Variants in PPP1R13B observed in about 807,000 individuals in gnomAD.
PPP1R13B encodes protein phosphatase 1 regulatory subunit 13B.
In PPP1R13B, 44 loss-of-function variants were observed where a neutral mutation model predicts 119.8. The ratio of observed to expected loss-of-function variants is 0.37; its 90% CI spans 0.29 to 0.47. PPP1R13B has a LOEUF of 0.47. Among genes scored for constraint, PPP1R13B ranks in the 20% least tolerant of loss-of-function variants. The probability of loss-of-function intolerance (pLI) is 0.99; values close to 1 mark genes in which losing one functional copy is unlikely to be tolerated. For missense variants in PPP1R13B, 1,227 were observed against 1,413.5 expected (o/e 0.87, Z 2.12); for synonymous variants, 542 against 561.5 (o/e 0.97, Z 0.49).
rs995421445 is a variant in PPP1R13B at position 103,778,905 on chromosome 14, T to C, written c.278-84A>G. 28 of 1,065,228 alleles carry C rather than the reference T, an allele frequency of 2.6e-5. 1 individual carries two copies. The highest frequency in any genetic ancestry group is 3.9e-5 in the Non-Finnish European group (27 of 696,360). The allele number at this position is 1,065,228 out of a possible 1,614,324, so 66.0% of individuals were successfully genotyped here. On this transcript the variant is annotated intron_variant, in intron 3 of 16. Transcript: ENST00000202556. ...CCCATTTCTTCATGTATTCAAATAT[T>C]TATTGAACACAAGTGTAAAATACCA...
chr14:103,756,555 C>T (rs12886637), intron 5 of PPP1R13B, among the ~76,000 whole-genome samples: 44,166 of 151,896 alleles, frequency 0.29, 6,906 homozygotes, highest in Non-Finnish European at 0.34. Context: ...ATCTATACTC[C>T]GCACTGTAAT....
At chr14:103,817,683 A>G (rs1228582501) in intron 1 of PPP1R13B, among the ~76,000 whole-genome samples, 2 of 151,998 alleles carry the variant, frequency 1.3e-5, no homozygotes, top group Non-Finnish European at 2.9e-5. Flanking sequence ...ATAGCTAATT[A>G]TTTTTGCTTG....
At chr14:103,807,845 G>A (rs2086054827) in intron 1 of PPP1R13B, among the ~76,000 whole-genome samples, 1 of 152,004 alleles carries the variant, frequency 6.6e-6, no homozygotes, top group Non-Finnish European at 1.5e-5. Context: ...GTAGGTGTTT[G>A]CCTGTTTTCT....
chr14:103,847,534 G>T lies in PPP1R13B; in HGVS notation c.-227C>A. 1.0e-6 allele frequency: 1 copy of T among 985,770 alleles called. No individual in the cohort carries two copies. The highest frequency in any genetic ancestry group is 1.2e-6 in the Non-Finnish European group (1 of 831,076). The allele number at this position is 985,770 out of a possible 1,614,324, so 61.1% of individuals were successfully genotyped here. A position where few individuals can be genotyped will look rare whatever the true frequency, so the allele number is the denominator to read the frequency against. The stretch of plus-strand genomic sequence containing the variant: ...CGGGCACCCGGCCGCCGCCGCCGCC[G>T]CCTCAACCTCAGCCTCAGCCTCAGC... On this transcript the variant is annotated 5_prime_UTR_variant, in exon 1 of 17. Transcript: ENST00000202556.
intron 1 of PPP1R13B, among the ~76,000 whole-genome samples, chr14:103,814,975 T>C (rs932350095): frequency 6.6e-6 from 1 of 151,570 alleles, no homozygotes; most frequent in Non-Finnish European, 1.5e-5. Context: ...AGAAAAAAAA[T>C]AGATGTTTAT....
At chr14:103,737,574 T>G in intron 15 of PPP1R13B, 120 bp downstream of exon 15, 2 of 1,273,034 alleles carry the variant, frequency 1.6e-6, no homozygotes, top group Non-Finnish European at 2.1e-6. Flanking sequence ...AGACCTTGTC[T>G]CCTGTCTTAA....
At chr14:103,840,465 G>C (rs2086877087) in intron 1 of PPP1R13B, among the ~76,000 whole-genome samples, 3 of 152,168 alleles carry the variant, frequency 2.0e-5, no homozygotes, top group African/African-American at 7.2e-5. Context: ...ATTTAAAACT[G>C]AGTTGTCCCT....
In PPP1R13B at chr14:103,782,692, T is replaced by C. The variant is rs1021848905; in HGVS notation, c.277+2103A>G. ...GTTAAAATATAGTATTTCAAGATAG[T>C]TTTCTCTGCATGTCTTTTATTAGGA... On this transcript the variant is annotated intron_variant, in intron 3 of 16. Coordinates refer to ENST00000202556, the MANE Select transcript of PPP1R13B (RefSeq NM_015316.3). 2.6e-5 allele frequency among the ~76,000 whole-genome samples: 4 copies of C among 152,192 alleles called. No homozygotes were observed. The East Asian group carries it at 7.7e-4, about 29-fold the overall frequency.
At position 103,740,518 on chromosome 14, in the gene PPP1R13B, G is replaced by T. The variant is rs764234340; in HGVS notation, c.1898C>A (p.Thr633Lys). ...PLPFLHGSLS[T>K]GTPQPQPPSE... ...AGGTGGCTGAGGCTGTGGTGTGCCC[G>T]TGGACAGTGACCCGTGAAGAAACGG... Residue 633 changes from threonine to lysine, a missense_variant, in exon 12 of 17, where the codon ACG becomes AAG. Transcript: ENST00000202556. This position sits in a 1 kb window ranked among gnomAD's most constrained non-coding sequence, Gnocchi z 4.6. 3 of 1,595,764 alleles carry T rather than the reference G, an allele frequency of 1.9e-6. No individual in the cohort carries two copies. Among genetic ancestry groups the T allele is most frequent in the Non-Finnish European group, 2.6e-6 (3 of 1,168,998 alleles).
intron 3 of PPP1R13B, among the ~76,000 whole-genome samples, chr14:103,784,431 A>G (rs1383313309): frequency 6.6e-6 from 1 of 151,224 alleles, no homozygotes; most frequent in Non-Finnish European, 1.5e-5. Context: ...AAAAATACAA[A>G]AATTAGCCAG....
intron 5 of PPP1R13B, 88 bp downstream of exon 5, chr14:103,757,562 A>T (rs561151799): frequency 1.7e-6 from 2 of 1,211,988 alleles, no homozygotes; most frequent in East Asian, 2.4e-5. Context: ...TATAAGCGTT[A>T]CCCAAGAATA....
rs2087073021 is a variant in PPP1R13B at position 103,847,311 on chromosome 14, G to A, written c.-4C>T. The A allele has an allele frequency of 2.5e-6, 3 of 1,213,636 alleles. No homozygotes were observed. The highest frequency in any genetic ancestry group is 3.3e-5 in the African/African-American group (2 of 61,174). The allele number at this position is 1,213,636 out of a possible 1,614,324, so 75.2% of individuals were successfully genotyped here. On this transcript the variant is annotated 5_prime_UTR_variant, in exon 1 of 17. Transcript: ENST00000202556. ...CGCCCTCACCCACCGGCATCATCGC[G>A]GGGAGAGTCCGCGACGCCCTCGGCC...
At chr14:103,796,297 A>C (rs1430995724) in intron 2 of PPP1R13B, among the ~76,000 whole-genome samples, 1 of 152,152 alleles carries the variant, frequency 6.6e-6, no homozygotes, top group Non-Finnish European at 1.5e-5. Flanking sequence ...ATAAATAAAT[A>C]AATAAATAGG....
At chr14:103,773,374 C>A (rs1159248338) in intron 4 of PPP1R13B, among the ~76,000 whole-genome samples, 2 of 152,128 alleles carry the variant, frequency 1.3e-5, no homozygotes, top group Non-Finnish European at 2.9e-5. Context: ...TTGACAGATG[C>A]CAATCCTCAG....
chr14:103,811,967 G>A (rs1173836726), intron 1 of PPP1R13B, among the ~76,000 whole-genome samples: 4 of 150,062 alleles, frequency 2.7e-5, no homozygotes, highest in Non-Finnish European at 5.9e-5. Flanking sequence ...GGCTGAGGTG[G>A]GAGAATGGCG....
chr14:103,837,563 A>T (rs911800249), intron 1 of PPP1R13B, among the ~76,000 whole-genome samples: 5 of 151,850 alleles, frequency 3.3e-5, no homozygotes, highest in African/African-American at 1.2e-4. Flanking sequence ...GCATGCACGC[A>T]AGCACTCACT....
chr14:103,739,719 G>C (rs996751848), intron 12 of PPP1R13B, 105 bp downstream of exon 12: 2 of 1,337,512 alleles, frequency 1.5e-6, no homozygotes, highest in Non-Finnish European at 2.0e-6. Context: ...GGACATCCCT[G>C]GTTCCCACTG....
At chr14:103,827,418 A>C (rs2086573605) in intron 1 of PPP1R13B, among the ~76,000 whole-genome samples, 1 of 152,164 alleles carries the variant, frequency 6.6e-6, no homozygotes, top group Admixed American at 6.6e-5. Context: ...TGTGTAGTAC[A>C]GCCTCCAAAA....
chr14:103,757,446 T>C (rs2084704908), intron 5 of PPP1R13B, among the ~76,000 whole-genome samples: 2 of 152,234 alleles, frequency 1.3e-5, no homozygotes, highest in Admixed American at 1.3e-4. Flanking sequence ...GCTCTTGTTC[T>C]GATAGCTTCC....
Sources: allele counts gnomAD v4.1 joint callset (sites outside exome capture counted in the v4.1 genomes callset), GRCh38; gene constraint gnomAD v4.1.1; non-coding constraint Gnocchi (gnomAD v3.1); transcripts MANE v1.5; gene names NCBI Gene and HGNC (gene_info 2026-07-23, HGNC 2026-07-21).